Variants in IL20RB observed in about 807,000 individuals in gnomAD.
IL20RB encodes interleukin 20 receptor subunit beta, also known as interleukin-20 receptor subunit beta.
In IL20RB, 21 loss-of-function variants were observed where a neutral mutation model predicts 33.3. That is an observed-to-expected ratio of 0.63 (90% CI 0.45 to 0.91). The LOEUF is 0.91. Ranked by LOEUF, IL20RB falls within the 40% of genes least tolerant of loss-of-function variation. The probability of loss-of-function intolerance (pLI) is 0.00; values close to 1 mark genes in which losing one functional copy is unlikely to be tolerated. For missense variants in IL20RB, 345 were observed against 384.8 expected, an observed-to-expected ratio of 0.90 and a Z score of 0.86; for synonymous variants, 147 against 146.8, an observed-to-expected ratio of 1.00 and a Z score of -0.01.
At chr3:136,989,954 C>G (rs996190398) in intron 4 of IL20RB, among the ~76,000 whole-genome samples, 50 of 152,092 alleles carry the variant, frequency 3.3e-4, no homozygotes, top group African/African-American at 1.2e-3. Flanking sequence ...AAGCACACAA[C>G]GCTGGTACAA....
chr3:136,975,178 C>A (rs984294280), intron 1 of IL20RB, among the ~76,000 whole-genome samples: 14 of 152,110 alleles, frequency 9.2e-5, no homozygotes, highest in Non-Finnish European at 1.6e-4. Flanking sequence ...TATGTCCTTG[C>A]CTTTTCATGT....
chr3:137,003,698 C>G lies in IL20RB; in HGVS notation c.826-6415C>G, dbSNP rs547364994. 9.8e-5 allele frequency among the ~76,000 whole-genome samples: 15 copies of G among 152,292 alleles called. 1 individual carries two copies. In the South Asian group the frequency reaches 2.9e-3, roughly 29 times the overall value. ...CGATGGGGTTTTCTAAATATACAAT[C>G]ATGTCATCTGCAAACAGGAACAATT... On this transcript the variant is annotated intron_variant, in intron 6 of 6. Coordinates refer to ENST00000329582, the MANE Select transcript of IL20RB (RefSeq NM_144717.4).
chr3:136,979,524 G>A (rs1250309083), intron 1 of IL20RB, among the ~76,000 whole-genome samples: 1 of 152,204 alleles, frequency 6.6e-6, no homozygotes, highest in East Asian at 1.9e-4. Context: ...GTACCTTTGG[G>A]TGACATGTGA....
At chr3:136,981,701 AC>A (rs1437434341) in intron 2 of IL20RB, among the ~76,000 whole-genome samples, 2 of 152,350 alleles carry the variant, frequency 1.3e-5, no homozygotes, top group African/African-American at 4.8e-5. Context: ...CAAGAATATC[AC>A]GCTTCGGAGC....
At chr3:137,004,804 T>C (rs958524373) in intron 6 of IL20RB, among the ~76,000 whole-genome samples, 1 of 152,078 alleles carries the variant, frequency 6.6e-6, no homozygotes, top group Non-Finnish European at 1.5e-5. Flanking sequence ...CTTGCCTTCT[T>C]CTAGCTTTTG....
At chr3:137,000,444 G>A (rs1278273889) in intron 6 of IL20RB, among the ~76,000 whole-genome samples, 1 of 152,252 alleles carries the variant, frequency 6.6e-6, no homozygotes, top group African/African-American at 2.4e-5. Flanking sequence ...TAAGACTATG[G>A]CACCAAGTGG....
rs865811005 is a variant in IL20RB, at chr3:136,963,695, T to A, written c.88+5494T>A. On this transcript the variant is annotated intron_variant, in intron 1 of 6. Coordinates refer to ENST00000329582, the MANE Select transcript of IL20RB (RefSeq NM_144717.4). ...ACTAGTTCTTTTTTTTTTTTTTTAT[T>A]TTTTTTTTTTATTATACTCTAAGTT... 2.9e-3 allele frequency among the ~76,000 whole-genome samples: 339 copies of A among 115,834 alleles called. 1 individual carries two copies. The highest frequency in any genetic ancestry group is 6.9e-3 in the African/African-American group (209 of 30,214). The allele number at this position is 115,834 out of a possible 152,430, so 76.0% of individuals were successfully genotyped here.
intron 3 of IL20RB, among the ~76,000 whole-genome samples, chr3:136,989,172 TG>T (rs1941975013): frequency 6.6e-6 from 1 of 152,182 alleles, no homozygotes; most frequent in African/African-American, 2.4e-5. Context: ...GAAGGAACAG[TG>T]GACTTTATTA....
intron 3 of IL20RB, among the ~76,000 whole-genome samples, chr3:136,987,312 A>C (rs1215403384): frequency 6.6e-6 from 1 of 152,138 alleles, no homozygotes; most frequent in Admixed American, 6.5e-5. Flanking sequence ...CAGAGTATAG[A>C]CACAAAGGTT....
At chr3:136,987,279 G>A (rs1267354380) in intron 3 of IL20RB, among the ~76,000 whole-genome samples, 2 of 151,820 alleles carry the variant, frequency 1.3e-5, no homozygotes, top group Non-Finnish European at 2.9e-5. Context: ...GGTTCTCCAC[G>A]TCCCCACCAG....
intron 3 of IL20RB, 35 bp downstream of exon 3, chr3:136,982,385 C>T: frequency 6.9e-7 from 1 of 1,443,260 alleles, no homozygotes; most frequent in Non-Finnish European, 9.5e-7. Flanking sequence ...CCCACCCCAA[C>T]CAGCCCCTCC....
chr3:136,979,383 A>G (rs1560069172), intron 1 of IL20RB, among the ~76,000 whole-genome samples: 1 of 152,260 alleles, frequency 6.6e-6, no homozygotes, highest in South Asian at 2.1e-4. Flanking sequence ...AGATAGGCAC[A>G]GAGATGAAAA....
intron 1 of IL20RB, among the ~76,000 whole-genome samples, chr3:136,970,353 C>A (rs1489617370): frequency 6.6e-6 from 1 of 152,066 alleles, no homozygotes; most frequent in Non-Finnish European, 1.5e-5. Context: ...CCTCAGCCTC[C>A]CAAAGTTCTG....
chr3:136,997,675 C>T (rs1560076368), intron 6 of IL20RB, among the ~76,000 whole-genome samples: 1 of 148,186 alleles, frequency 6.7e-6, no homozygotes, highest in Non-Finnish European at 1.5e-5. Flanking sequence ...TAAGGTGTGT[C>T]TCTTATAGAC....
chr3:136,973,990 G>A (rs567076735), intron 1 of IL20RB, among the ~76,000 whole-genome samples: 7 of 151,932 alleles, frequency 4.6e-5, no homozygotes, highest in Non-Finnish European at 7.4e-5. Flanking sequence ...GCATATAGTC[G>A]GAACTTTTTT....
rs142362693 is a variant in IL20RB at position 136,991,525 on chromosome 3, T to C, written c.532-413T>C. Among the ~76,000 whole-genome samples, 609 of 152,372 alleles carry C rather than the reference T, an allele frequency of 4.0e-3. 2 individuals carry two copies. Among genetic ancestry groups the C allele is most frequent in the Non-Finnish European group, 5.8e-3 (394 of 68,036 alleles). ...TGAGAGGGAACATTCTGTGTGCATC[T>C]GGAAAGGAAGTATCTGCAACTTTCC... On this transcript the variant is annotated intron_variant, in intron 4 of 6. Coordinates refer to ENST00000329582, the MANE Select transcript of IL20RB (RefSeq NM_144717.4).
In IL20RB at chr3:136,983,640, G is replaced by A. The variant is rs1233253182; in HGVS notation, c.406+1290G>A. Among the ~76,000 whole-genome samples the A allele has an allele frequency of 2.6e-5, 4 of 152,180 alleles. No individual in the cohort carries two copies. In the East Asian group the frequency reaches 7.7e-4, roughly 29 times the overall value. ...AATGATAGTATTCAGCTGTCAAATG[G>A]AATTGGTGAGAACACCAGCTAAGGC... On this transcript the variant is annotated intron_variant, in intron 3 of 6. Transcript: ENST00000329582.
chr3:136,987,365 G>A lies in IL20RB; in HGVS notation c.407-2076G>A, dbSNP rs544522000. On this transcript the variant is annotated intron_variant, in intron 3 of 6. Transcript: ENST00000329582. ...AGTAGCTAGATACAGAGTGTCGATT[G>A]GTGCACTCACAAACCCTGAGCTAGT... Among the ~76,000 whole-genome samples, 35 of 152,206 alleles carry A rather than the reference G, an allele frequency of 2.3e-4. No homozygotes were observed. The East Asian group carries it at 5.2e-3, about 23-fold the overall frequency.
chr3:136,973,246 C>G (rs1941532311), intron 1 of IL20RB, among the ~76,000 whole-genome samples: 1 of 151,674 alleles, frequency 6.6e-6, no homozygotes, highest in African/African-American at 2.4e-5. Context: ...CTTTGGGAGA[C>G]CAAGATGGGT....
Sources: allele counts gnomAD v4.1 joint callset (sites outside exome capture counted in the v4.1 genomes callset), GRCh38; gene constraint gnomAD v4.1.1; transcripts MANE v1.5; gene names NCBI Gene and HGNC (gene_info 2026-07-23, HGNC 2026-07-21).